The following CCSER1 variants were observed in gnomAD, a reference collection of about 807,000 sequenced individuals.
CCSER1 encodes the protein serine-rich coiled-coil domain-containing protein 1.
In CCSER1, 41 loss-of-function variants were observed where a neutral mutation model predicts 82.0. That is an observed-to-expected ratio of 0.50 (90% confidence interval 0.39 to 0.65). The LOEUF (loss-of-function observed/expected upper bound fraction) is 0.65. CCSER1 is among the 30% of genes least tolerant of loss of function. CCSER1 has a pLI of 0.00. For synonymous variants in CCSER1, 414 were observed against 383.9 expected, an observed-to-expected ratio of 1.08 and a Z score of -0.92; for missense variants, 1,119 against 1,064.2, an observed-to-expected ratio of 1.05 and a Z score of -0.72.
At chr4:91,446,433 C>G (rs1755557075) in intron 10 of CCSER1, among the ~76,000 whole-genome samples, 1 of 151,708 alleles carries the variant, frequency 6.6e-6, no homozygotes, top group South Asian at 2.1e-4. Context: ...TCTAGAAATA[C>G]TATACTGTTT....
intron 7 of CCSER1, among the ~76,000 whole-genome samples, chr4:90,772,852 T>C (rs755457036): frequency 6.6e-6 from 1 of 152,220 alleles, no homozygotes; most frequent in Non-Finnish European, 1.5e-5. Flanking sequence ...TTGTTTTTCC[T>C]CCTAAGTTTT....
intron 10 of CCSER1, among the ~76,000 whole-genome samples, chr4:91,519,812 T>C (rs772515967): frequency 3.9e-5 from 6 of 152,328 alleles, no homozygotes; most frequent in East Asian, 3.9e-4. Flanking sequence ...AGTTGTTTCC[T>C]TGATGAATCC....
At chr4:90,970,712 T>G (rs930021846) in intron 9 of CCSER1, among the ~76,000 whole-genome samples, 1 of 151,932 alleles carries the variant, frequency 6.6e-6, no homozygotes, top group Non-Finnish European at 1.5e-5. Context: ...CTTAACAAAT[T>G]TAACAAGGCT....
chr4:90,794,809 G>A (rs1755766679), intron 7 of CCSER1, among the ~76,000 whole-genome samples: 1 of 152,064 alleles, frequency 6.6e-6, no homozygotes, highest in Admixed American at 6.6e-5. Context: ...AGCATGGAAT[G>A]TTTTCCCATT....
chr4:90,597,221 G>A (rs1029891285), intron 5 of CCSER1, among the ~76,000 whole-genome samples: 2 of 151,894 alleles, frequency 1.3e-5, no homozygotes, highest in African/African-American at 2.4e-5. Flanking sequence ...CCTGCAGTAG[G>A]AAAATCAAAG....
At chr4:90,415,970 T>C (rs1481668348) in intron 4 of CCSER1, among the ~76,000 whole-genome samples, 1 of 152,192 alleles carries the variant, frequency 6.6e-6, no homozygotes, top group East Asian at 1.9e-4. Flanking sequence ...TGGCAATTTA[T>C]AGCTGGAGAT....
chr4:91,521,351 TG>T (rs2110141296), intron 10 of CCSER1, among the ~76,000 whole-genome samples: 1 of 152,354 alleles, frequency 6.6e-6, no homozygotes, highest in East Asian at 1.9e-4. Flanking sequence ...CATGTGCATG[TG>T]TCTTTATAGT....
At chr4:90,490,191 CT>C (rs1767758021) in intron 5 of CCSER1, among the ~76,000 whole-genome samples, 2 of 152,104 alleles carry the variant, frequency 1.3e-5, no homozygotes, top group African/African-American at 4.8e-5. Context: ...CTGTTGTTTC[CT>C]GACTTTTTAA....
intron 5 of CCSER1, among the ~76,000 whole-genome samples, chr4:90,499,310 C>T (rs542979050): frequency 7.2e-5 from 11 of 152,062 alleles, no homozygotes; most frequent in Non-Finnish European, 1.6e-4. Flanking sequence ...AAATCACCTG[C>T]CTCTTACTCA....
chr4:91,181,041 G>C (rs757291470), intron 10 of CCSER1, among the ~76,000 whole-genome samples: 1 of 152,346 alleles, frequency 6.6e-6, no homozygotes, highest in Admixed American at 6.5e-5. Flanking sequence ...CCCTGGGAGG[G>C]CCAGATGTTC....
At chr4:91,323,213 G>A (rs1746311654) in intron 10 of CCSER1, among the ~76,000 whole-genome samples, 1 of 152,116 alleles carries the variant, frequency 6.6e-6, no homozygotes, top group Admixed American at 6.6e-5. Flanking sequence ...TGACAGTCCA[G>A]GTTGCCTTTT....
intron 2 of CCSER1, among the ~76,000 whole-genome samples, chr4:90,310,462 G>A (rs935764082): frequency 6.6e-6 from 1 of 151,962 alleles, no homozygotes; most frequent in Non-Finnish European, 1.5e-5. Context: ...TTATGTCCTA[G>A]ATATTATTCT....
At chr4:90,333,046 T>C (rs1017400042) in intron 3 of CCSER1, among the ~76,000 whole-genome samples, 3 of 152,188 alleles carry the variant, frequency 2.0e-5, no homozygotes, top group Non-Finnish European at 4.4e-5. Flanking sequence ...AATTCATGAT[T>C]GTCTGGTTTT....
chr4:90,630,540 G>A (rs915198776), intron 6 of CCSER1, among the ~76,000 whole-genome samples: 1 of 152,130 alleles, frequency 6.6e-6, no homozygotes, highest in East Asian at 1.9e-4. Flanking sequence ...TAAAGCTGAT[G>A]TAGAGTGAAC....
chr4:91,406,447 C>A (rs937972206), intron 10 of CCSER1, among the ~76,000 whole-genome samples: 19 of 152,206 alleles, frequency 1.2e-4, no homozygotes, highest in African/African-American at 4.1e-4. Flanking sequence ...TTAGTAATAG[C>A]CATCTTGCCA....
chr4:90,468,908 T>C (rs112171376), intron 5 of CCSER1, among the ~76,000 whole-genome samples: 3 of 152,286 alleles, frequency 2.0e-5, no homozygotes, highest in African/African-American at 7.2e-5. Flanking sequence ...ACTCTTATAA[T>C]GACTAAAGAG....
intron 10 of CCSER1, among the ~76,000 whole-genome samples, chr4:91,458,810 A>G (rs563956458): frequency 6.6e-6 from 1 of 152,244 alleles, no homozygotes; most frequent in Non-Finnish European, 1.5e-5. Flanking sequence ...CACTGTTAAC[A>G]TATAGAAATG....
chr4:90,884,777 A>C (rs1721872074), intron 8 of CCSER1, among the ~76,000 whole-genome samples: 1 of 152,160 alleles, frequency 6.6e-6, no homozygotes, highest in Admixed American at 6.6e-5. Context: ...TGGAAGGTGA[A>C]AAACAAACAA....
chr4:90,808,201 G>A (rs1006103164), intron 7 of CCSER1, among the ~76,000 whole-genome samples: 2 of 152,114 alleles, frequency 1.3e-5, no homozygotes, highest in African/African-American at 4.8e-5. Context: ...GTAGAAGAAT[G>A]AAACTGGATC....
Sources: allele counts gnomAD v4.1 joint callset (sites outside exome capture counted in the v4.1 genomes callset), GRCh38; gene constraint gnomAD v4.1.1; transcripts MANE v1.5; gene names NCBI Gene and HGNC (gene_info 2026-07-23, HGNC 2026-07-21).